Variants in TEDC1 observed in about 807,000 individuals in gnomAD.
TEDC1 encodes the protein tubulin epsilon and delta complex 1.
In TEDC1, 54 loss-of-function variants were observed where a neutral mutation model predicts 59.9. That is an observed-to-expected ratio of 0.90 (90% CI 0.72 to 1.13). The LOEUF (loss-of-function observed/expected upper bound fraction) is 1.13, where lower values mean the gene tolerates loss of function less well. Ranked by LOEUF, TEDC1 falls within the 50% of genes most tolerant of loss-of-function variation. The pLI is 0.00. For synonymous variants in TEDC1, 353 were observed against 298.1 expected (o/e 1.18, Z -1.90); for missense variants, 734 against 683.4 (o/e 1.07, Z -0.83).
chr14:105,493,551 G>A (rs2084268195), intron 4 of TEDC1, among the ~76,000 whole-genome samples: 1 of 152,116 alleles, frequency 6.6e-6, no homozygotes, highest in Admixed American at 6.5e-5. Flanking sequence ...GGGAAGCCAG[G>A]GCACCCCACT....
chr14:105,492,808 C>A, intron 4 of TEDC1, 74 bp downstream of exon 4: 2 of 1,500,208 alleles, frequency 1.3e-6, no homozygotes, highest in African/African-American at 1.4e-5. Flanking sequence ...GTCCCTGCAG[C>A]CCGTCCCGTG....
At chr14:105,491,117 C>G, upstream of TEDC1, 4 of 1,551,046 alleles carry the variant, frequency 2.6e-6, no homozygotes, top group Non-Finnish European at 3.5e-6. Context: ...CCGGCCAGCG[C>G]GGTGATTGGG....
intron 6 of TEDC1, chr14:105,496,413 G>GC (rs1319247242): frequency 1.3e-5 from 4 of 317,004 alleles, no homozygotes; most frequent in African/African-American, 8.6e-5. Flanking sequence ...GCTCTGCTCC[G>GC]CCCCAGAGGG....
intron 2 of TEDC1, 85 bp from the exon 3 acceptor site, chr14:105,492,022 G>A (rs1555439494): frequency 2.0e-5 from 27 of 1,381,492 alleles, no homozygotes; most frequent in Non-Finnish European, 2.6e-5. Context: ...TTCTGCTCAA[G>A]TGACCTGTGG....
In TEDC1 at chr14:105,493,711, T is replaced by C; in HGVS notation, c.586-124T>C. The C allele has an allele frequency of 4.3e-6, 3 of 694,508 alleles. No homozygotes were observed. The South Asian group carries it at 5.1e-5, about 12-fold the overall frequency. 43.0% of individuals were successfully genotyped at this position (694,508 alleles called of 1,614,324 possible). A position where few individuals can be genotyped will look rare whatever the true frequency, so the allele number is the denominator to read the frequency against. On this transcript the variant is annotated intron_variant, in intron 4 of 8. Coordinates refer to ENST00000392523, the MANE Select transcript of TEDC1 (RefSeq NM_001367178.1). ...ACCTCAGGCAAGGAGTGGCTTTCTC[T>C]GAGCCCTCTTTCCTCATCTGGGAGG...
chr14:105,498,950 C>A lies in TEDC1; in HGVS notation c.*4C>A. On this transcript the variant is annotated 3_prime_UTR_variant, in exon 9 of 9. Transcript: ENST00000392523. ...GATCCCGCCACCTGGACGCTGAGGGCCTGTCGACGGGCCCTCGTGTGGGAA... is the reference window on the plus strand; with the variant it reads ...GATCCCGCCACCTGGACGCTGAGGGACTGTCGACGGGCCCTCGTGTGGGAA... 1 of 1,595,788 alleles carries A rather than the reference C, an allele frequency of 6.3e-7. No individual in the cohort carries two copies. The highest frequency in any genetic ancestry group is 8.5e-7 in the Non-Finnish European group (1 of 1,170,964).
intron 4 of TEDC1, 56 bp downstream of exon 4, chr14:105,492,790 A>G: frequency 6.6e-7 from 1 of 1,518,994 alleles, no homozygotes; most frequent in Admixed American, 2.0e-5. Flanking sequence ...GCAGGCCGCC[A>G]GCTGCCAGTC....
rs782053307 is a variant in TEDC1 at position 105,492,239 on chromosome 14, G to A, written c.359G>A (p.Arg120Gln). 11 of 1,611,202 alleles carry A rather than the reference G, an allele frequency of 6.8e-6. No individual in the cohort carries two copies. Among genetic ancestry groups the A allele is most frequent in the East Asian group, 4.5e-5 (2 of 44,896 alleles). Residue 120 changes from arginine to glutamine, a missense_variant, in exon 3 of 9, where the codon CGA becomes CAA. Physicochemically the swap from Arg to Gln is conservative, Grantham distance 43. Coordinates refer to ENST00000392523, the MANE Select transcript of TEDC1 (RefSeq NM_001367178.1). ...LLLALSWLLA[R>Q]GPVPEQMLAQ... ...CTGGCTCTGTCCTGGCTCTTGGCCC[G>A]AGGACCTGTGCCCGAGCAGATGCTG...
chr14:105,492,082 C>T, intron 2 of TEDC1, 25 bp from the exon 3 acceptor site: 1 of 1,566,778 alleles, frequency 6.4e-7, no homozygotes, highest in Non-Finnish European at 8.6e-7. Context: ...GGTGGTCCCC[C>T]TAAGGTGGTG....
chr14:105,495,788 G>T, intron 5 of TEDC1, 92 bp from the exon 6 acceptor site: 1 of 1,040,390 alleles, frequency 9.6e-7, no homozygotes, highest in Non-Finnish European at 1.4e-6. Flanking sequence ...GTGGTGGGCT[G>T]GGGGGGCCTG....
intron 2 of TEDC1, 135 bp downstream of exon 2, chr14:105,491,835 A>G: frequency 1.8e-6 from 2 of 1,120,576 alleles, no homozygotes; most frequent in Non-Finnish European, 2.5e-6. Context: ...TGCTCCTCAA[A>G]ACTCCGCCTT....
rs587616131 is a variant in TEDC1 at position 105,493,049 on chromosome 14, G to T, written c.585+315G>T. ...CTGTGAACAGTGGGATGGGGTCTGTGCCATGAAAGCCACTCCCTCCTGGGC... is the reference window on the plus strand; with the variant it reads ...CTGTGAACAGTGGGATGGGGTCTGTTCCATGAAAGCCACTCCCTCCTGGGC... On this transcript the variant is annotated intron_variant, in intron 4 of 8. Transcript: ENST00000392523. 3.3e-5 allele frequency among the ~76,000 whole-genome samples: 5 copies of T among 152,264 alleles called. No individual in the cohort carries two copies. The East Asian group carries it at 9.7e-4, about 29-fold the overall frequency.
At chr14:105,491,021 T>A, upstream of TEDC1, 1 of 1,550,272 alleles carries the variant, frequency 6.5e-7, no homozygotes, top group Non-Finnish European at 8.7e-7. Context: ...CGAGACAGAA[T>A]AGACTACACT....
chr14:105,491,718 C>G lies in TEDC1; in HGVS notation c.226+18C>G. 6.5e-7 allele frequency: 1 copy of G among 1,543,430 alleles called. No individual in the cohort carries two copies. Among genetic ancestry groups the G allele is most frequent in the South Asian group, 1.2e-5 (1 of 83,942 alleles). ...CGCCCTGGGTAAGCCCCGCTCCTGG[C>G]CCCGCCCACCCGGTAGCACTGGCCC... On this transcript the variant is annotated intron_variant, in intron 2 of 8. Transcript: ENST00000392523.
At chr14:105,496,151 G>A (rs1232462737) in intron 6 of TEDC1, 65 bp downstream of exon 6, 1 of 784,790 alleles carries the variant, frequency 1.3e-6, no homozygotes. Flanking sequence ...GGAGGGGGTG[G>A]CGAGGGGGTG....
intron 2 of TEDC1, 22 bp downstream of exon 2, chr14:105,491,722 G>A: frequency 6.9e-7 from 1 of 1,451,024 alleles, no homozygotes. Flanking sequence ...TCCTGGCCCC[G>A]CCCACCCGGT....
chr14:105,492,951 G>A (rs1334605010), intron 4 of TEDC1, among the ~76,000 whole-genome samples: 1 of 152,126 alleles, frequency 6.6e-6, no homozygotes, highest in African/African-American at 2.4e-5. Flanking sequence ...GGCAATGGTG[G>A]GCAGAAACGG....
At chr14:105,490,896 G>A (rs1336739318), upstream of TEDC1, 3 of 923,394 alleles carry the variant, frequency 3.2e-6, no homozygotes, top group African/African-American at 1.6e-5. Flanking sequence ...GCGCTGATGG[G>A]TGGGGTCTGA....
At position 105,498,716 on chromosome 14, in the gene TEDC1, C is replaced by T. The variant is rs371492836; in HGVS notation, c.1258C>T (p.Arg420Ter). 156 of 1,554,114 alleles carry T rather than the reference C, an allele frequency of 1.0e-4. No homozygotes were observed. Among genetic ancestry groups the T allele is most frequent in the East Asian group, 1.7e-4 (7 of 41,294 alleles). ...ELGALQQCWE[R>*]DGGPAQPHGP... Reference sequence around the variant, plus strand: ...GGGAGCTCTACAGCAGTGCTGGGAGCGAGACGGTGGCCCGGCCCAGCCCCA... The same window carrying T: ...GGGAGCTCTACAGCAGTGCTGGGAGTGAGACGGTGGCCCGGCCCAGCCCCA... Residue 420 changes from arginine to a stop codon, truncating the protein, a stop_gained, in exon 9 of 9, where the codon CGA (arginine) becomes TGA (stop). Coordinates refer to ENST00000392523, the MANE Select transcript of TEDC1 (RefSeq NM_001367178.1). LOFTEE classifies it high-confidence loss of function.
Sources: allele counts gnomAD v4.1 joint callset (sites outside exome capture counted in the v4.1 genomes callset), GRCh38; gene constraint gnomAD v4.1.1; transcripts MANE v1.5; gene names NCBI Gene and HGNC (gene_info 2026-07-23, HGNC 2026-07-21).